PTPRT: variants seen among roughly 807,000 people sequenced by gnomAD.
PTPRT encodes the protein receptor-type tyrosine-protein phosphatase T.
A neutral mutation model predicts 176.8 loss-of-function variants in PTPRT; 56 were observed. The observed-to-expected ratio is 0.32, with a 90% confidence interval of 0.26 to 0.40. The LOEUF (loss-of-function observed/expected upper bound fraction) is 0.40. PTPRT is among the 10% of genes least tolerant of loss of function. The pLI is 1.00. For missense variants in PTPRT, 1,540 were observed against 1,908.2 expected (o/e 0.81, Z 3.60); for synonymous variants, 783 against 739.0 (o/e 1.06, Z -0.96).
intron 8 of PTPRT, among the ~76,000 whole-genome samples, chr20:42,465,402 A>C (rs183769541): frequency 5.9e-5 from 9 of 152,330 alleles, no homozygotes; most frequent in Admixed American, 5.2e-4. Flanking sequence ...TAACGGAAAC[A>C]ACCTGGGTGT....
chr20:42,901,104 T>C (rs2079396788), intron 1 of PTPRT, among the ~76,000 whole-genome samples: 1 of 152,128 alleles, frequency 6.6e-6, no homozygotes, highest in Non-Finnish European at 1.5e-5. Flanking sequence ...TCAACACCTG[T>C]TTCTCTGTTT....
chr20:42,364,394 C>T lies in PTPRT; in HGVS notation c.1561-12109G>A, dbSNP rs1035293180. Among the ~76,000 whole-genome samples the T allele has an allele frequency of 2.6e-5, 4 of 152,222 alleles. No homozygotes were observed. In the South Asian group the frequency reaches 6.2e-4, roughly 24 times the overall value. On this transcript the variant is annotated intron_variant, in intron 9 of 30. Transcript: ENST00000373187. ...GAAAGGGAGGGCATGTTGGAGACTA[C>T]ACCATCAATTCAATCCAGCAGAGTA... is the stretch of plus-strand genomic sequence containing the variant.
chr20:43,121,643 T>C (rs544300459), intron 1 of PTPRT, among the ~76,000 whole-genome samples: 221 of 152,366 alleles, frequency 1.5e-3, no homozygotes, highest in Non-Finnish European at 2.4e-3. Flanking sequence ...TTCACATCTC[T>C]TGATACAATG....
At chr20:43,022,579 T>A (rs901043310) in intron 1 of PTPRT, among the ~76,000 whole-genome samples, 1 of 152,176 alleles carries the variant, frequency 6.6e-6, no homozygotes, top group Non-Finnish European at 1.5e-5. Flanking sequence ...ATCCTATGTC[T>A]GGAGAGGGGG....
In PTPRT at chr20:42,196,126, T is replaced by C. The variant is rs991921229; in HGVS notation, c.2491+3114A>G. Among the ~76,000 whole-genome samples, 22 of 152,202 alleles carry C rather than the reference T, an allele frequency of 1.4e-4. 1 individual carries two copies. Among genetic ancestry groups the C allele is most frequent in the African/African-American group, 5.3e-4 (22 of 41,452 alleles). On this transcript the variant is annotated intron_variant, in intron 16 of 30. Coordinates refer to ENST00000373187, the MANE Select transcript of PTPRT (RefSeq NM_007050.6). Reference sequence around the variant, plus strand: ...GTTTTGGCCATAATCATTTTGCTTTTAAGAGTCCTCCCAGGGTACTTTTAC... The same window carrying C: ...GTTTTGGCCATAATCATTTTGCTTTCAAGAGTCCTCCCAGGGTACTTTTAC...
chr20:43,131,602 A>C (rs576162140), intron 1 of PTPRT, among the ~76,000 whole-genome samples: 7 of 152,210 alleles, frequency 4.6e-5, no homozygotes, highest in Non-Finnish European at 8.8e-5. Context: ...TTATTCCTCA[A>C]AGAAACATTC....
At chr20:42,205,912 T>C (rs1414462709) in intron 15 of PTPRT, among the ~76,000 whole-genome samples, 9 of 152,202 alleles carry the variant, frequency 5.9e-5, no homozygotes, top group African/African-American at 1.7e-4. Context: ...CATGACTAGA[T>C]CTCAGCTTAA....
chr20:42,542,255 T>C (rs1483396706), intron 7 of PTPRT, among the ~76,000 whole-genome samples: 1 of 152,154 alleles, frequency 6.6e-6, no homozygotes, highest in African/African-American at 2.4e-5. Flanking sequence ...TAATATACTA[T>C]GTCAAAAACT....
intron 13 of PTPRT, among the ~76,000 whole-genome samples, chr20:42,271,308 C>T (rs1035565787): frequency 6.6e-6 from 1 of 152,176 alleles, no homozygotes; most frequent in African/African-American, 2.4e-5. Context: ...TATACTCCCT[C>T]CTGCTCCTTC....
At chr20:42,821,292 C>A (rs1261040191) in intron 2 of PTPRT, among the ~76,000 whole-genome samples, 1 of 152,138 alleles carries the variant, frequency 6.6e-6, no homozygotes, top group Admixed American at 6.5e-5. Flanking sequence ...ATCACATAAA[C>A]AGAACCAAAG....
intron 7 of PTPRT, among the ~76,000 whole-genome samples, chr20:42,485,289 C>T (rs999147678): frequency 6.6e-5 from 10 of 152,126 alleles, no homozygotes; most frequent in Non-Finnish European, 1.2e-4. Context: ...CATGGCAAGT[C>T]GCTTTATTCA....
At chr20:43,093,689 G>A (rs573779865) in intron 1 of PTPRT, among the ~76,000 whole-genome samples, 74 of 152,156 alleles carry the variant, frequency 4.9e-4, no homozygotes, top group Non-Finnish European at 5.9e-4. Context: ...TGCCCCACTG[G>A]CTTCCCATTA....
At chr20:42,141,858 T>C (rs143602577) in intron 18 of PTPRT, 57 bp downstream of exon 18, 15 of 1,445,486 alleles carry the variant, frequency 1.0e-5, no homozygotes, top group Non-Finnish European at 1.5e-5. Flanking sequence ...AGTAATAGCC[T>C]CTTTTCCCCT....
At chr20:42,111,210 G>T (rs1159312155) in intron 22 of PTPRT, among the ~76,000 whole-genome samples, 5 of 152,016 alleles carry the variant, frequency 3.3e-5, no homozygotes. Context: ...CTAAGCCTTC[G>T]CTTAGACAGT....
intron 16 of PTPRT, among the ~76,000 whole-genome samples, chr20:42,188,880 C>T (rs1177165061): frequency 6.6e-6 from 1 of 152,302 alleles, no homozygotes; most frequent in South Asian, 2.1e-4. Flanking sequence ...TTGAGGAATG[C>T]TTGGGCCAGC....
At chr20:42,667,280 C>T (rs2075333004) in intron 7 of PTPRT, among the ~76,000 whole-genome samples, 1 of 152,122 alleles carries the variant, frequency 6.6e-6, no homozygotes, top group Non-Finnish European at 1.5e-5. Flanking sequence ...AAGTGTGTGG[C>T]CTTGGGCAAG....
intron 9 of PTPRT, among the ~76,000 whole-genome samples, chr20:42,441,774 C>T (rs949479537): frequency 1.3e-5 from 2 of 152,200 alleles, no homozygotes; most frequent in African/African-American, 4.8e-5. Context: ...ACGGATGACG[C>T]TCTCATTTCT....
At chr20:42,153,930 T>C (rs1380062800) in intron 17 of PTPRT, among the ~76,000 whole-genome samples, 1 of 152,242 alleles carries the variant, frequency 6.6e-6, no homozygotes, top group Admixed American at 6.5e-5. Context: ...AGCTCTTTCC[T>C]GCTGGAAAAC....
At position 42,204,299 on chromosome 20, in the gene PTPRT, G is replaced by GA. The variant is rs11476363; in HGVS notation, c.2343-4912dup. ...GCTGCAGCTATAGCATGTTGAAGAA[G>GA]AAAAAAAAAATCTCATGCAATAGTC... On this transcript the variant is annotated intron_variant, in intron 15 of 30. Coordinates refer to ENST00000373187, the MANE Select transcript of PTPRT (RefSeq NM_007050.6). 7.1e-3 allele frequency among the ~76,000 whole-genome samples: 1,059 copies of GA among 149,250 alleles called. 14 individuals are homozygous for GA. The highest frequency in any genetic ancestry group is 0.024 in the African/African-American group (990 of 40,742).
Sources: gnomAD v4.1 joint callset for allele counts (sites outside exome capture counted in the v4.1 genomes callset) on GRCh38, gnomAD v4.1.1 for gene constraint, MANE v1.5 for transcripts, NCBI Gene and HGNC (gene_info 2026-07-23, HGNC 2026-07-21) for gene names.